Variants in RAB30 observed in about 807,000 individuals in gnomAD.
RAB30 encodes RAB30, member RAS oncogene family, also known as ras-related protein Rab-30.
RAB30 carries 9 observed loss-of-function variants against 25.1 expected under a neutral mutation model. That is an observed-to-expected ratio of 0.36 (90% confidence interval 0.22 to 0.63). The LOEUF is 0.63. Among genes scored for constraint, RAB30 ranks in the 20% least tolerant of loss-of-function variants. The pLI is 0.69. For synonymous variants in RAB30, 77 were observed against 86.4 expected, an observed-to-expected ratio of 0.89 and a Z score of 0.60; for missense variants, 140 against 243.5, an observed-to-expected ratio of 0.58 and a Z score of 2.83.
intron 3 of RAB30, among the ~76,000 whole-genome samples, chr11:82,988,921 G>T (rs1292741840): frequency 9.2e-6 from 1 of 108,804 alleles, no homozygotes; most frequent in Non-Finnish European, 1.7e-5. Flanking sequence ...TCTCTCTTGC[G>T]ATACATCCTG....
chr11:83,029,797 C>T (rs956786510), intron 1 of RAB30, among the ~76,000 whole-genome samples: 1 of 152,050 alleles, frequency 6.6e-6, no homozygotes, highest in Non-Finnish European at 1.5e-5. Flanking sequence ...ACCTAAGTGC[C>T]CATCAACCAA....
intron 1 of RAB30, among the ~76,000 whole-genome samples, chr11:82,997,725 A>G (rs574819613): frequency 1.5e-3 from 224 of 152,330 alleles, no homozygotes; most frequent in African/African-American, 5.3e-3. Flanking sequence ...AAGGACGTTT[A>G]TGGAATGTGT....
chr11:83,058,968 A>C (rs999417162), intron 1 of RAB30, among the ~76,000 whole-genome samples: 1 of 152,224 alleles, frequency 6.6e-6, no homozygotes, highest in Non-Finnish European at 1.5e-5. Context: ...TTTTTGAGAC[A>C]GTTTCACTCT....
chr11:83,013,709 G>A (rs867763523), intron 1 of RAB30, among the ~76,000 whole-genome samples: 1 of 152,192 alleles, frequency 6.6e-6, no homozygotes, highest in African/African-American at 2.4e-5. Flanking sequence ...CAGTGTCTCT[G>A]TGTGCGTTGG....
At chr11:83,022,598 G>T (rs1177349674) in intron 1 of RAB30, among the ~76,000 whole-genome samples, 4 of 151,982 alleles carry the variant, frequency 2.6e-5, no homozygotes, top group African/African-American at 7.2e-5. Flanking sequence ...TTTTTGCATT[G>T]CTTGAATTTT....
chr11:82,984,556 G>A (rs544377927), intron 4 of RAB30, among the ~76,000 whole-genome samples: 3 of 152,264 alleles, frequency 2.0e-5, no homozygotes, highest in East Asian at 3.9e-4. Flanking sequence ...GATGCCACGC[G>A]TGGTCTACGG....
At chr11:83,004,413 A>T (rs1191531214) in intron 1 of RAB30, among the ~76,000 whole-genome samples, 1 of 152,184 alleles carries the variant, frequency 6.6e-6, no homozygotes, top group East Asian at 1.9e-4. Flanking sequence ...TGGACATCCC[A>T]TCTGAGTACT....
rs1208550737 is a variant in RAB30 at position 82,981,933 on chromosome 11, G to A, written c.*232C>T. The stretch of plus-strand genomic sequence containing the variant: ...TGCTCTGCAGATCATGGAGTGCCTA[G>A]TGCAATTTTCTCCTTGCTCCAACTC... On this transcript the variant is annotated 3_prime_UTR_variant, in exon 5 of 5. Coordinates refer to ENST00000527633, the MANE Select transcript of RAB30 (RefSeq NM_001286060.2). The A allele has an allele frequency of 1.8e-6, 1 of 563,318 alleles. No individual in the cohort carries two copies. The highest frequency in any genetic ancestry group is 3.1e-6 in the Non-Finnish European group (1 of 318,748). The allele number at this position is 563,318 out of a possible 1,614,324, so 34.9% of individuals were successfully genotyped here.
In RAB30 at chr11:82,973,446, A is replaced by G. The variant is rs76630854; in HGVS notation, c.*8719T>C. On this transcript the variant is annotated 3_prime_UTR_variant, in exon 5 of 5. Coordinates refer to ENST00000527633, the MANE Select transcript of RAB30 (RefSeq NM_001286060.2). ...ATGCTACTTCATTGAATCCTAAAAGATTGAATGAGTACTCTTATCCAGCAT... is the reference window on the plus strand; with the variant it reads ...ATGCTACTTCATTGAATCCTAAAAGGTTGAATGAGTACTCTTATCCAGCAT... 1 of 152,342 alleles carries G rather than the reference A, an allele frequency of 6.6e-6. No individual in the cohort carries two copies. Among genetic ancestry groups the G allele is most frequent in the East Asian group, 1.9e-4 (1 of 5,190 alleles). 9.4% of individuals were successfully genotyped at this position (152,342 alleles called of 1,614,324 possible). A position where few individuals can be genotyped will look rare whatever the true frequency, so the allele number is the denominator to read the frequency against.
In RAB30 at chr11:83,045,501, C is replaced by A. The variant is rs553612994; in HGVS notation, c.-9+26190G>T. 1.5e-4 allele frequency among the ~76,000 whole-genome samples: 23 copies of A among 152,244 alleles called. 1 individual carries two copies. In the South Asian group the frequency reaches 4.6e-3, roughly 30 times the overall value. On this transcript the variant is annotated intron_variant, in intron 1 of 4. Coordinates refer to ENST00000527633, the MANE Select transcript of RAB30 (RefSeq NM_001286060.2). ...GGAAAACACAGATTAAAAGGGCATA[C>A]CCACTGCCCACCAGGAGGTCGCAAA...
intron 1 of RAB30, among the ~76,000 whole-genome samples, chr11:83,061,428 C>G (rs760296561): frequency 8.5e-5 from 13 of 152,068 alleles, no homozygotes; most frequent in South Asian, 2.1e-4. Flanking sequence ...GACATTGGAA[C>G]GACTGAGGAA....
At chr11:82,990,492 C>T (rs912984099) in intron 3 of RAB30, among the ~76,000 whole-genome samples, 5 of 152,184 alleles carry the variant, frequency 3.3e-5, no homozygotes, top group Non-Finnish European at 7.4e-5. Context: ...TGCTTTACCA[C>T]CACAGTGCTT....
At chr11:82,982,559 G>A (rs2121429388) in intron 4 of RAB30, 144 bp from the exon 5 acceptor site, 1 of 934,916 alleles carries the variant, frequency 1.1e-6, no homozygotes, top group East Asian at 2.6e-5. Flanking sequence ...TTACTGAAAT[G>A]TTTACTTTAA....
At chr11:83,063,179 C>G (rs1858622085) in intron 1 of RAB30, among the ~76,000 whole-genome samples, 1 of 152,162 alleles carries the variant, frequency 6.6e-6, no homozygotes, top group South Asian at 2.1e-4. Flanking sequence ...CTCCTAAGCT[C>G]ACACCTGCTT....
chr11:83,028,933 A>G lies in RAB30; in HGVS notation c.-8-31609T>C, dbSNP rs146574513. Among the ~76,000 whole-genome samples, 163 of 152,290 alleles carry G rather than the reference A, an allele frequency of 1.1e-3. 1 individual carries two copies. The East Asian group carries it at 0.024, about 23-fold the overall frequency. On this transcript the variant is annotated intron_variant, in intron 1 of 4. Coordinates refer to ENST00000527633, the MANE Select transcript of RAB30 (RefSeq NM_001286060.2). The stretch of plus-strand genomic sequence containing the variant: ...GCACCTGTGGTCCCAGGTACTTGAG[A>G]GGATCACTTGAGCCCAAGAGTTCGA...
intron 1 of RAB30, among the ~76,000 whole-genome samples, chr11:83,005,737 G>A (rs905603499): frequency 2.0e-5 from 3 of 152,000 alleles, no homozygotes; most frequent in Non-Finnish European, 4.4e-5. Context: ...TAAAAAGGCT[G>A]AGAAATTTCA....
At chr11:83,028,733 T>C (rs1283621013) in intron 1 of RAB30, among the ~76,000 whole-genome samples, 2 of 152,212 alleles carry the variant, frequency 1.3e-5, no homozygotes, top group Non-Finnish European at 2.9e-5. Context: ...AAAGATACTT[T>C]AAAGTATACA....
intron 2 of RAB30, among the ~76,000 whole-genome samples, chr11:82,994,406 G>A (rs1324681780): frequency 6.6e-6 from 1 of 152,162 alleles, no homozygotes; most frequent in Non-Finnish European, 1.5e-5. Context: ...GGAGAAAATT[G>A]AGAAAGGGCA....
intron 3 of RAB30, among the ~76,000 whole-genome samples, chr11:82,993,831 G>T (rs142067995): frequency 2.1e-4 from 32 of 152,306 alleles, no homozygotes; most frequent in South Asian, 6.2e-4. Flanking sequence ...GCCATTTTCT[G>T]TCTTCTAATC....
Sources: allele counts gnomAD v4.1 joint callset (sites outside exome capture counted in the v4.1 genomes callset), GRCh38; gene constraint gnomAD v4.1.1; transcripts MANE v1.5; gene names NCBI Gene and HGNC (gene_info 2026-07-23, HGNC 2026-07-21).